The following NLRP1 variants were observed in gnomAD, a reference collection of about 807,000 sequenced individuals.
NLRP1 encodes the protein NACHT, LRR and PYD domains-containing protein 1.
A neutral mutation model predicts 136.7 loss-of-function variants in NLRP1; 94 were observed. The ratio of observed to expected loss-of-function variants is 0.69; its 90% CI spans 0.58 to 0.82. The LOEUF (loss-of-function observed/expected upper bound fraction) is 0.82. Among genes scored for constraint, NLRP1 ranks in the 40% least tolerant of loss-of-function variants. NLRP1 has a pLI of 0.00. For missense variants in NLRP1, 1,575 were observed against 1,802.7 expected, an observed-to-expected ratio of 0.87 and a Z score of 2.29; for synonymous variants, 690 against 725.1, an observed-to-expected ratio of 0.95 and a Z score of 0.78.
intron 3 of NLRP1, among the ~76,000 whole-genome samples, chr17:5,563,620 A>G (rs1408062092): frequency 1.3e-5 from 2 of 152,244 alleles, no homozygotes; most frequent in Admixed American, 6.5e-5. Flanking sequence ...GGAATATGGG[A>G]TTTTGGAAAG....
chr17:5,535,691 G>T (rs1366258328), intron 8 of NLRP1, among the ~76,000 whole-genome samples: 1 of 152,222 alleles, frequency 6.6e-6, no homozygotes, highest in Non-Finnish European at 1.5e-5. Flanking sequence ...TAGTGGGTCT[G>T]CAGGGAATGT....
chr17:5,510,293 C>A (rs1372541044), downstream of NLRP1, among the ~76,000 whole-genome samples: 1 of 152,020 alleles, frequency 6.6e-6, no homozygotes, highest in South Asian at 2.1e-4. Flanking sequence ...CTCAAGGGAC[C>A]CTTCTGCCTC....
At position 5,556,151 on chromosome 17, in the gene NLRP1, CACACACACACAT is replaced by C. The variant is rs1464797660; in HGVS notation, c.2357+2176_2357+2187del. Among the ~76,000 whole-genome samples the C allele has an allele frequency of 2.6e-3, 386 of 145,774 alleles. 3 individuals carry two copies. The highest frequency in any genetic ancestry group is 9.3e-3 in the African/African-American group (360 of 38,652). ...ACACACACACACACACACACACACA[CACACACACACAT>C]GAAGGGCTGGGCATGGTGGCTCACA... is the stretch of plus-strand genomic sequence containing the variant. On this transcript the variant is annotated intron_variant, in intron 4 of 16. Transcript: ENST00000572272.
chr17:5,554,569 C>T (rs758167537), intron 4 of NLRP1, among the ~76,000 whole-genome samples: 6 of 152,224 alleles, frequency 3.9e-5, no homozygotes, highest in Non-Finnish European at 7.3e-5. Context: ...GGCTCTGCTT[C>T]TCTATCCCTC....
chr17:5,562,378 A>G (rs533535794), intron 3 of NLRP1, among the ~76,000 whole-genome samples: 1 of 152,334 alleles, frequency 6.6e-6, no homozygotes, highest in South Asian at 2.1e-4. Flanking sequence ...TGGAGGAGGT[A>G]TGCCTCTCTC....
intron 5 of NLRP1, among the ~76,000 whole-genome samples, chr17:5,547,082 T>C (rs1415046206): frequency 6.6e-6 from 1 of 152,218 alleles, no homozygotes; most frequent in Non-Finnish European, 1.5e-5. Flanking sequence ...TTAATTTCTC[T>C]GAGCCTCTTA....
At chr17:5,570,858 T>C (rs191590582) in intron 3 of NLRP1, among the ~76,000 whole-genome samples, 17 of 152,174 alleles carry the variant, frequency 1.1e-4, no homozygotes, top group African/African-American at 4.1e-4. Context: ...TGCAAAAATC[T>C]TCAGCAAAAT....
chr17:5,528,145 C>T (rs1036498607), intron 12 of NLRP1, among the ~76,000 whole-genome samples: 13 of 152,328 alleles, frequency 8.5e-5, no homozygotes, highest in African/African-American at 2.4e-4. Flanking sequence ...GGCAGAGCTA[C>T]GACAGAGCTG....
chr17:5,510,790 G>C (rs2151729321), downstream of NLRP1, among the ~76,000 whole-genome samples: 1 of 152,258 alleles, frequency 6.6e-6, no homozygotes, highest in African/African-American at 2.4e-5. Flanking sequence ...GCCTCTCAAA[G>C]TGCTGGGATT....
At chr17:5,567,913 A>G (rs1219386384) in intron 3 of NLRP1, among the ~76,000 whole-genome samples, 1 of 152,190 alleles carries the variant, frequency 6.6e-6, no homozygotes, top group East Asian at 1.9e-4. Flanking sequence ...GGTTTCCATG[A>G]AAAGTCTGCG....
intron 12 of NLRP1, among the ~76,000 whole-genome samples, chr17:5,523,652 G>A (rs1174535125): frequency 6.6e-6 from 1 of 152,220 alleles, no homozygotes; most frequent in Non-Finnish European, 1.5e-5. Flanking sequence ...GGTAATGGGA[G>A]AGACACTGGC....
rs141912879 is a variant in NLRP1, at chr17:5,558,650, C to A, written c.2046G>T (p.Gly682=). 9 of 1,613,978 alleles carry A rather than the reference C, an allele frequency of 5.6e-6. No homozygotes were observed. The highest frequency in any genetic ancestry group is 7.6e-6 in the Non-Finnish European group (9 of 1,179,994). Residue 682 remains glycine (G), a synonymous_variant, in exon 4 of 17, where the codon GGG becomes GGT. Transcript: ENST00000572272. ...GAAAGATGTTCTCCATCTCTCTCTC[C>A]CCCTCATCACTTAACAGGCCCAATA... ...RFLLGLLSDE[G]EREMENIFHC...
intron 10 of NLRP1, 80 bp from the exon 11 acceptor site, chr17:5,533,064 C>T (rs1910525132): frequency 6.7e-7 from 1 of 1,484,852 alleles, no homozygotes; most frequent in Non-Finnish European, 9.0e-7. Context: ...TGTAAGGGGC[C>T]CTTCCCAAGG....
Position 5,559,918 on chromosome 17 carries a change from TC to T in NLRP1, c.777del (p.Arg260GlufsTer52). On this transcript the variant is annotated frameshift_variant, in exon 4 of 17. Coordinates refer to ENST00000572272, the MANE Select transcript of NLRP1 (RefSeq NM_033004.4). LOFTEE classifies it high-confidence loss of function. ...QPHHHPWEPS[V>X]RESLCSTWPW... ...GGCCATGTGGAACAGAGGCTCTCTCTCACAGAAGGCTCCCATGGGTGGTGGT... is the reference window on the plus strand; with the variant it reads ...GGCCATGTGGAACAGAGGCTCTCTCTACAGAAGGCTCCCATGGGTGGTGGT... The T allele has an allele frequency of 6.2e-7, 1 of 1,614,222 alleles. No homozygotes were observed. The highest frequency in any genetic ancestry group is 8.5e-7 in the Non-Finnish European group (1 of 1,180,026).
At chr17:5,519,961 A>C (rs540582961) in intron 14 of NLRP1, among the ~76,000 whole-genome samples, 1 of 138,744 alleles carries the variant, frequency 7.2e-6, no homozygotes, top group East Asian at 2.1e-4. Flanking sequence ...GGTTCAAGTG[A>C]TTCTCCTGCC....
At chr17:5,565,138 C>T (rs1179416218) in intron 3 of NLRP1, among the ~76,000 whole-genome samples, 2 of 152,198 alleles carry the variant, frequency 1.3e-5, no homozygotes, top group African/African-American at 2.4e-5. Context: ...TCTCCACACC[C>T]TCACAAGAAT....
intron 6 of NLRP1, among the ~76,000 whole-genome samples, chr17:5,539,947 C>G (rs1443179991): frequency 6.6e-6 from 1 of 152,210 alleles, no homozygotes; most frequent in African/African-American, 2.4e-5. Context: ...CACTCTGTGT[C>G]CCAGGCCTCC....
chr17:5,552,055 A>G (rs1015758986), intron 5 of NLRP1, among the ~76,000 whole-genome samples: 1 of 141,918 alleles, frequency 7.0e-6, no homozygotes. Flanking sequence ...GATTACAGGC[A>G]TGGGCCATCA....
intron 2 of NLRP1, 110 bp downstream of exon 2, chr17:5,582,560 T>C: frequency 1.9e-6 from 2 of 1,054,772 alleles, no homozygotes; most frequent in South Asian, 3.0e-5. Context: ...ATCCTTCCTC[T>C]GCTGTCCCCC....
Sources: gnomAD v4.1 joint callset for allele counts (sites outside exome capture counted in the v4.1 genomes callset) on GRCh38, gnomAD v4.1.1 for gene constraint, MANE v1.5 for transcripts, NCBI Gene and HGNC (gene_info 2026-07-23, HGNC 2026-07-21) for gene names.